Variants in OR6N1 observed in about 807,000 individuals in gnomAD.
OR6N1 encodes olfactory receptor family 6 subfamily N member 1.
For missense variants in OR6N1, 394 were observed against 371.7 expected (o/e 1.06, Z -0.49); for synonymous variants, 170 against 150.7 (o/e 1.13, Z -0.94).
At chr1:158,798,326 T>C in the OR6N1 span, among the ~76,000 whole-genome samples, 1 of 130,396 alleles carries the variant, frequency 7.7e-6, no homozygotes, top group Non-Finnish European at 1.7e-5. Context: ...ACTTGAATGC[T>C]TAGTTAATTA....
the OR6N1 span, among the ~76,000 whole-genome samples, chr1:158,832,114 TTC>T: frequency 2.0e-5 from 3 of 152,132 alleles, no homozygotes; most frequent in Non-Finnish European, 4.4e-5. Flanking sequence ...GAAGAAATAA[TTC>T]TCTTTTTCAA....
chr1:158,809,999 TAGG>T, the OR6N1 span, among the ~76,000 whole-genome samples: 1 of 152,116 alleles, frequency 6.6e-6, no homozygotes, highest in African/African-American at 2.4e-5. Context: ...TATGGTATAA[TAGG>T]AAAAGCCTCC....
upstream of OR6N1, among the ~76,000 whole-genome samples, chr1:158,773,881 C>A (rs1657488807): frequency 6.6e-6 from 1 of 152,100 alleles, no homozygotes; most frequent in African/African-American, 2.4e-5. Flanking sequence ...CTGATTAAAT[C>A]TGTCCTTACC....
At chr1:158,773,250 A>C (rs117626140), upstream of OR6N1, among the ~76,000 whole-genome samples, 145 of 152,174 alleles carry the variant, frequency 9.5e-4, 2 homozygotes, top group East Asian at 0.016. Flanking sequence ...TAATAACTTA[A>C]TTTTTGAGTC....
At chr1:158,799,057 C>A in the OR6N1 span, among the ~76,000 whole-genome samples, 1 of 152,158 alleles carries the variant, frequency 6.6e-6, no homozygotes, top group Non-Finnish European at 1.5e-5. Context: ...GTTATTAAAA[C>A]ACCAATTACT....
At chr1:158,769,792 T>G (rs1657369695) in intron 1 of OR6N1, among the ~76,000 whole-genome samples, 1 of 152,222 alleles carries the variant, frequency 6.6e-6, no homozygotes, top group African/African-American at 2.4e-5. Context: ...GAGAACTACT[T>G]CCGGGCCAAA....
chr1:158,769,094 C>T (rs1190598894), intron 1 of OR6N1, among the ~76,000 whole-genome samples: 2 of 152,078 alleles, frequency 1.3e-5, no homozygotes, highest in African/African-American at 4.8e-5. Context: ...TTTGCATATG[C>T]AGTAGGAGTT....
chr1:158,817,672 G>A, the OR6N1 span, among the ~76,000 whole-genome samples: 2,564 of 152,314 alleles, frequency 0.017, 29 homozygotes, highest in Non-Finnish European at 0.028. Context: ...CATGGTTCCA[G>A]GAGACATGCC....
At chr1:158,837,836 G>T in the OR6N1 span, among the ~76,000 whole-genome samples, 1 of 144,052 alleles carries the variant, frequency 6.9e-6, no homozygotes, top group Non-Finnish European at 1.6e-5. Context: ...TTTTTCTGTA[G>T]TGAAACATTT....
chr1:158,785,088 T>A, the OR6N1 span, among the ~76,000 whole-genome samples: 5 of 152,180 alleles, frequency 3.3e-5, no homozygotes, highest in Admixed American at 6.5e-5. Flanking sequence ...ACTTATTGCC[T>A]GACCCAGTGT....
the OR6N1 span, among the ~76,000 whole-genome samples, chr1:158,793,508 C>G: frequency 1.3e-5 from 2 of 151,946 alleles, no homozygotes; most frequent in Admixed American, 1.3e-4. Context: ...TGGTACTTGG[C>G]TTTGGCTATG....
the OR6N1 span, among the ~76,000 whole-genome samples, chr1:158,799,181 A>G: frequency 6.6e-6 from 1 of 152,190 alleles, no homozygotes; most frequent in Non-Finnish European, 1.5e-5. Context: ...AGGTGACTTG[A>G]TCCCCATTTA....
At chr1:158,825,438 CAA>C in the OR6N1 span, among the ~76,000 whole-genome samples, 6 of 101,886 alleles carry the variant, frequency 5.9e-5, no homozygotes. Context: ...GATTCCATCT[CAA>C]AAAAAAAAAA....
At chr1:158,815,444 G>A in the OR6N1 span, among the ~76,000 whole-genome samples, 2 of 152,138 alleles carry the variant, frequency 1.3e-5, no homozygotes, top group African/African-American at 2.4e-5. Flanking sequence ...AATGTAGGAA[G>A]ACAGAAAGGG....
the OR6N1 span, among the ~76,000 whole-genome samples, chr1:158,837,243 CA>C: frequency 0.017 from 2,582 of 151,816 alleles, 63 homozygotes; most frequent in African/African-American, 0.059. Flanking sequence ...TAATGTTTTT[CA>C]ATATTTATTT....
the OR6N1 span, among the ~76,000 whole-genome samples, chr1:158,835,621 C>T: frequency 5.7e-5 from 2 of 35,016 alleles, no homozygotes; most frequent in Non-Finnish European, 1.1e-4. Context: ...TTGGTGGGGG[C>T]GGGGGGTGGG....
At chr1:158,817,081 G>A in the OR6N1 span, among the ~76,000 whole-genome samples, 1 of 152,164 alleles carries the variant, frequency 6.6e-6, no homozygotes, top group Non-Finnish European at 1.5e-5. Context: ...ACAAATTAAA[G>A]CTTATAAAGG....
the OR6N1 span, among the ~76,000 whole-genome samples, chr1:158,812,408 T>G: frequency 6.6e-6 from 1 of 152,132 alleles, no homozygotes; most frequent in African/African-American, 2.4e-5. Flanking sequence ...GCTAAGAAAA[T>G]TGTTTAATTT....
chr1:158,797,525 GT>G, the OR6N1 span, among the ~76,000 whole-genome samples: 8 of 152,092 alleles, frequency 5.3e-5, no homozygotes, highest in African/African-American at 1.9e-4. Context: ...TTTGTTGTTT[GT>G]TTTTTATTTT....
Sources: allele counts gnomAD v4.1 joint callset (sites outside exome capture counted in the v4.1 genomes callset), GRCh38; gene constraint gnomAD v4.1.1; transcripts MANE v1.5; gene names NCBI Gene and HGNC (gene_info 2026-07-23, HGNC 2026-07-21).